GSG1L: variants seen among roughly 807,000 people sequenced by gnomAD.
GSG1L encodes germ cell-specific gene 1-like protein.
GSG1L carries 24 observed loss-of-function variants against 42.1 expected under a neutral mutation model. The ratio of observed to expected loss-of-function variants is 0.57; its 90% CI spans 0.41 to 0.80. The LOEUF (loss-of-function observed/expected upper bound fraction) is 0.80, where lower values mean the gene tolerates loss of function less well. Among genes scored for constraint, GSG1L ranks in the 30% least tolerant of loss-of-function variants. The probability of loss-of-function intolerance (pLI) is 0.00; values close to 1 mark genes in which losing one functional copy is unlikely to be tolerated. For missense variants in GSG1L, 445 were observed against 472.2 expected, an observed-to-expected ratio of 0.94 and a Z score of 0.53; for synonymous variants, 215 against 203.5, an observed-to-expected ratio of 1.06 and a Z score of -0.48.
intron 3 of GSG1L, among the ~76,000 whole-genome samples, chr16:27,855,116 C>CCTG (rs1405929823): frequency 6.6e-6 from 1 of 152,078 alleles, no homozygotes; most frequent in African/African-American, 2.4e-5. Flanking sequence ...GGTGCTCGAC[C>CCTG]GTGATGGTGG....
In GSG1L at chr16:27,824,405, G is replaced by C. The variant is rs569877381; in HGVS notation, c.830+4384C>G. ...GAGGAGAAGGAAACCTGGGCAGGTG[G>C]GGCCATGGATCGCCCTCCCTTGAGT... On this transcript the variant is annotated intron_variant, in intron 5 of 6. Transcript: ENST00000447459. 4.6e-5 allele frequency among the ~76,000 whole-genome samples: 7 copies of C among 152,168 alleles called. No homozygotes were observed. The South Asian group carries it at 1.5e-3, about 32-fold the overall frequency.
chr16:27,810,895 C>T (rs568322066), intron 5 of GSG1L, among the ~76,000 whole-genome samples: 12 of 152,232 alleles, frequency 7.9e-5, no homozygotes, highest in Non-Finnish European at 1.8e-4. Context: ...GCCATGTTGC[C>T]CAGGCTGGTC....
chr16:27,952,416 G>A (rs996786687), intron 2 of GSG1L, among the ~76,000 whole-genome samples: 1 of 152,216 alleles, frequency 6.6e-6, no homozygotes, highest in African/African-American at 2.4e-5. Context: ...TTTCTAAGCT[G>A]GGTTTTGAAG....
At chr16:27,913,342 G>A (rs1031759488) in intron 2 of GSG1L, among the ~76,000 whole-genome samples, 2 of 152,150 alleles carry the variant, frequency 1.3e-5, no homozygotes, top group African/African-American at 4.8e-5. Context: ...CTTTGAGGGA[G>A]GGGCTGGGAT....
At chr16:28,032,722 C>T in intron 1 of GSG1L, among the ~76,000 whole-genome samples, 1 of 152,186 alleles carries the variant, frequency 6.6e-6, no homozygotes, top group Non-Finnish European at 1.5e-5. Flanking sequence ...CTCTTCAGGC[C>T]AAAAATCTAG....
At chr16:27,978,508 T>C (rs1397531808) in intron 1 of GSG1L, among the ~76,000 whole-genome samples, 2 of 151,858 alleles carry the variant, frequency 1.3e-5, no homozygotes, top group East Asian at 1.9e-4. Context: ...CTGGCCAACA[T>C]AGCAAAACCC....
intron 5 of GSG1L, among the ~76,000 whole-genome samples, chr16:27,824,095 A>T (rs1661254968): frequency 6.6e-6 from 1 of 152,216 alleles, no homozygotes; most frequent in South Asian, 2.1e-4. Context: ...GACCAAGCTC[A>T]TGCTTCACTC....
At chr16:27,981,816 G>C (rs967515199) in intron 1 of GSG1L, among the ~76,000 whole-genome samples, 1 of 152,174 alleles carries the variant, frequency 6.6e-6, no homozygotes, top group African/African-American at 2.4e-5. Flanking sequence ...GAATGTTAAA[G>C]CTGAAGAAGC....
At chr16:27,961,897 C>G (rs1023115145) in intron 2 of GSG1L, among the ~76,000 whole-genome samples, 4 of 152,130 alleles carry the variant, frequency 2.6e-5, no homozygotes, top group African/African-American at 9.7e-5. Flanking sequence ...TCTTGCCCCT[C>G]AACTTCACCA....
chr16:27,924,168 C>A (rs2084564421), intron 2 of GSG1L, among the ~76,000 whole-genome samples: 1 of 151,014 alleles, frequency 6.6e-6, no homozygotes, highest in Non-Finnish European at 1.5e-5. Context: ...TATATATGCA[C>A]AAATATATAT....
intron 5 of GSG1L, among the ~76,000 whole-genome samples, chr16:27,828,233 C>G (rs982510471): frequency 6.6e-6 from 1 of 152,154 alleles, no homozygotes; most frequent in Non-Finnish European, 1.5e-5. Context: ...ATCCATTCAT[C>G]CAGCCATCCA....
At chr16:27,822,961 C>G (rs1013114261) in intron 5 of GSG1L, among the ~76,000 whole-genome samples, 1 of 152,190 alleles carries the variant, frequency 6.6e-6, no homozygotes, top group African/African-American at 2.4e-5. Flanking sequence ...GCTTCCGTCC[C>G]CCACACAGTG....
At chr16:28,037,277 C>T (rs553751055) in intron 1 of GSG1L, among the ~76,000 whole-genome samples, 135 of 152,362 alleles carry the variant, frequency 8.9e-4, no homozygotes, top group Admixed American at 2.7e-3. Flanking sequence ...CCACCCGCCT[C>T]GGCCCCCCAA....
At chr16:27,843,224 T>C (rs1198138258) in intron 4 of GSG1L, among the ~76,000 whole-genome samples, 1 of 152,180 alleles carries the variant, frequency 6.6e-6, no homozygotes, top group East Asian at 1.9e-4. Flanking sequence ...GGTCTCTGTC[T>C]TTCCAGCCTG....
intron 6 of GSG1L, among the ~76,000 whole-genome samples, chr16:27,793,263 G>C (rs188953330): frequency 6.6e-6 from 1 of 152,138 alleles, no homozygotes; most frequent in African/African-American, 2.4e-5. Flanking sequence ...CCATAGCTGG[G>C]GTGGGGGGTA....
At chr16:28,050,992 G>A (rs977150012) in intron 1 of GSG1L, among the ~76,000 whole-genome samples, 1 of 152,160 alleles carries the variant, frequency 6.6e-6, no homozygotes, top group Non-Finnish European at 1.5e-5. Flanking sequence ...TCCTCCTTTG[G>A]AATGGAAGCT....
intron 2 of GSG1L, among the ~76,000 whole-genome samples, chr16:27,904,456 C>G (rs1257470833): frequency 6.6e-6 from 1 of 152,048 alleles, no homozygotes; most frequent in Non-Finnish European, 1.5e-5. Flanking sequence ...CCCAATACTC[C>G]CTAGCCCCCT....
Position 27,906,885 on chromosome 16 carries a change from A to G in GSG1L, c.398-22247T>C, listed in dbSNP as rs189276398. Among the ~76,000 whole-genome samples, 553 of 152,026 alleles carry G rather than the reference A, an allele frequency of 3.6e-3. 8 individuals carry two copies. Among genetic ancestry groups the G allele is most frequent in the African/African-American group, 0.013 (529 of 41,472 alleles). Reference sequence around the variant, plus strand: ...ACTCCCGAGACCCCGATGGGTATGGACACCCTGTCTCACCACCTCCACTGC... The same window carrying G: ...ACTCCCGAGACCCCGATGGGTATGGGCACCCTGTCTCACCACCTCCACTGC... On this transcript the variant is annotated intron_variant, in intron 2 of 6. Coordinates refer to ENST00000447459, the MANE Select transcript of GSG1L (RefSeq NM_001109763.2).
intron 1 of GSG1L, among the ~76,000 whole-genome samples, chr16:28,017,315 C>A (rs2085792793): frequency 6.6e-6 from 1 of 152,326 alleles, no homozygotes; most frequent in East Asian, 1.9e-4. Flanking sequence ...ACAGAACATA[C>A]CCAGGACCAA....
Sources: allele counts gnomAD v4.1 joint callset (sites outside exome capture counted in the v4.1 genomes callset), GRCh38; gene constraint gnomAD v4.1.1; transcripts MANE v1.5; gene names NCBI Gene and HGNC (gene_info 2026-07-23, HGNC 2026-07-21).